WDFY3: variants seen among roughly 807,000 people sequenced by gnomAD.
WDFY3 encodes the protein WD repeat and FYVE domain containing 3.
WDFY3 carries 66 observed loss-of-function variants against 409.6 expected under a neutral mutation model. The ratio of observed to expected loss-of-function variants is 0.16; its 90% CI spans 0.13 to 0.20. The LOEUF (loss-of-function observed/expected upper bound fraction) is 0.20. WDFY3 is among the 10% of genes least tolerant of loss of function. The pLI, the probability that WDFY3 is intolerant of heterozygous loss-of-function variation, is 1.00. For synonymous variants in WDFY3, 1,521 were observed against 1,537.1 expected, an observed-to-expected ratio of 0.99 and a Z score of 0.25; for missense variants, 3,031 against 4,298.1, an observed-to-expected ratio of 0.71 and a Z score of 8.24.
chr4:84,726,783 G>T, intron 45 of WDFY3, 78 bp downstream of exon 45: 1 of 1,244,238 alleles, frequency 8.0e-7, no homozygotes, highest in Non-Finnish European at 1.1e-6. Flanking sequence ...AGTCTACCAT[G>T]CACTTAAAAA....
At chr4:84,679,728 A>C (rs1347518003) in intron 64 of WDFY3, among the ~76,000 whole-genome samples, 1 of 151,798 alleles carries the variant, frequency 6.6e-6, no homozygotes, top group African/African-American at 2.4e-5. Context: ...TTCAGCTCAA[A>C]GTATTCTCCC....
intron 6 of WDFY3, 42 bp from the exon 7 acceptor site, chr4:84,837,132 C>A: frequency 7.1e-7 from 1 of 1,401,522 alleles, no homozygotes; most frequent in Non-Finnish European, 9.4e-7. Context: ...ATAGACACAA[C>A]TATAATTGGT....
chr4:84,919,751 T>C (rs1385969955), intron 2 of WDFY3, among the ~76,000 whole-genome samples: 1 of 152,204 alleles, frequency 6.6e-6, no homozygotes, highest in Non-Finnish European at 1.5e-5. Flanking sequence ...GTAAGTTTCC[T>C]GAGGCCTCCC....
chr4:84,914,622 C>T (rs1768231432), intron 2 of WDFY3, among the ~76,000 whole-genome samples: 1 of 152,086 alleles, frequency 6.6e-6, no homozygotes, highest in South Asian at 2.1e-4. Context: ...AAATGCACAT[C>T]AAAACCACAA....
intron 2 of WDFY3, among the ~76,000 whole-genome samples, chr4:84,920,648 T>C (rs983054724): frequency 6.6e-6 from 1 of 152,168 alleles, no homozygotes; most frequent in Non-Finnish European, 1.5e-5. Flanking sequence ...TAACACATTA[T>C]TTTTCTCCCT....
rs2149898399 is a variant in WDFY3 at position 84,829,090 on chromosome 4, G to A, written c.870C>T (p.Leu290=). The A allele has an allele frequency of 6.2e-7, 1 of 1,613,860 alleles. No individual in the cohort carries two copies. Among genetic ancestry groups the A allele is most frequent in the African/African-American group, 1.3e-5 (1 of 75,046 alleles). ...VEMFAGLSCF[L]KDSSDVSQTL... is the part of the protein sequence containing the mutation. The stretch of plus-strand genomic sequence containing the variant: ...TTTGGGAAACATCGCTGGAATCTTT[G>A]AGGAAACAAGAAAGCCCAGCAAACA... Residue 290 remains leucine (L), a synonymous_variant, in exon 9 of 68, where the codon CTC becomes CTT. Coordinates refer to ENST00000295888, the MANE Select transcript of WDFY3 (RefSeq NM_014991.6).
At chr4:84,827,186 T>TA (rs549183648) in intron 9 of WDFY3, among the ~76,000 whole-genome samples, 125 of 143,014 alleles carry the variant, frequency 8.7e-4, no homozygotes, top group Middle Eastern at 3.5e-3. Context: ...AAATACCCTT[T>TA]AAAAAAAAAA....
intron 33 of WDFY3, among the ~76,000 whole-genome samples, 196 bp from the exon 34 acceptor site, chr4:84,755,596 A>G (rs1024919050): frequency 6.6e-6 from 1 of 152,196 alleles, no homozygotes; most frequent in Non-Finnish European, 1.5e-5. Context: ...AAAAAATTGA[A>G]TACTGTGTAT....
chr4:84,894,170 G>T (rs184273708), intron 3 of WDFY3, among the ~76,000 whole-genome samples: 1 of 152,088 alleles, frequency 6.6e-6, no homozygotes, highest in Non-Finnish European at 1.5e-5. Flanking sequence ...ATGCAATGAA[G>T]AGAGAATAAG....
Position 84,679,145 on chromosome 4 carries a change from G to A in WDFY3, c.9921C>T (p.Thr3307=). 1 of 1,613,968 alleles carries A rather than the reference G, an allele frequency of 6.2e-7. No homozygotes were observed. Among genetic ancestry groups the A allele is most frequent in the East Asian group, 2.2e-5 (1 of 44,872 alleles). ...PKDTPSQPSS[T]SHRPRAASCR... is the part of the protein sequence containing the mutation. ...AGGAGGCTGCCCGGGGCCTGTGGCT[G>A]GTGCTGCTGGGTTGGCTTGGAGTGT... Residue 3307 remains threonine, a synonymous_variant, in exon 65 of 68, where the codon ACC becomes ACT. Coordinates refer to ENST00000295888, the MANE Select transcript of WDFY3 (RefSeq NM_014991.6).
At chr4:84,874,008 T>C (rs745535134) in intron 3 of WDFY3, among the ~76,000 whole-genome samples, 1 of 151,772 alleles carries the variant, frequency 6.6e-6, no homozygotes, top group Non-Finnish European at 1.5e-5. Flanking sequence ...CTCGCACTCC[T>C]GGACTCAAGC....
intron 47 of WDFY3, 136 bp downstream of exon 47, chr4:84,721,273 C>T: frequency 8.4e-7 from 1 of 1,195,634 alleles, no homozygotes. Context: ...GAGTACTGAA[C>T]CCAAAAGGCT....
chr4:84,922,009 T>C (rs892362176), intron 2 of WDFY3, among the ~76,000 whole-genome samples: 4 of 151,912 alleles, frequency 2.6e-5, no homozygotes, highest in Non-Finnish European at 5.9e-5. Context: ...TATATAACTA[T>C]ACATTTATTG....
chr4:84,878,285 G>A (rs954414169), intron 3 of WDFY3, among the ~76,000 whole-genome samples: 1 of 152,154 alleles, frequency 6.6e-6, no homozygotes, highest in Admixed American at 6.5e-5. Flanking sequence ...ACATCCCAAA[G>A]AGGAAAACAG....
At chr4:84,839,306 T>C (rs772279010) in intron 6 of WDFY3, among the ~76,000 whole-genome samples, 4 of 152,068 alleles carry the variant, frequency 2.6e-5, no homozygotes, top group Non-Finnish European at 4.4e-5. Context: ...AAACCAAATT[T>C]TGGTATAGTA....
At chr4:84,805,882 C>G (rs1274438636) in intron 15 of WDFY3, among the ~76,000 whole-genome samples, 1 of 152,142 alleles carries the variant, frequency 6.6e-6, no homozygotes, top group Non-Finnish European at 1.5e-5. Flanking sequence ...AGCTATAATT[C>G]TGTTCTATTA....
At chr4:84,956,228 TACA>T (rs368287590) in intron 1 of WDFY3, among the ~76,000 whole-genome samples, 142 of 152,274 alleles carry the variant, frequency 9.3e-4, no homozygotes, top group Middle Eastern at 3.4e-3. Context: ...ACATACCAAT[TACA>T]ACATGTCAAA....
At chr4:84,866,136 A>G (rs983419424) in intron 3 of WDFY3, among the ~76,000 whole-genome samples, 1 of 152,140 alleles carries the variant, frequency 6.6e-6, no homozygotes, top group African/African-American at 2.4e-5. Flanking sequence ...GTACTTCTCA[A>G]TTACTCAGAT....
rs187042410 is a variant in WDFY3 at position 84,854,260 on chromosome 4, A to C, written c.181-4235T>G. On this transcript the variant is annotated intron_variant, in intron 4 of 67. Transcript: ENST00000295888. The stretch of plus-strand genomic sequence containing the variant: ...CAAAGTGAGATTGATTCTGGGGTGT[A>C]CAGGAATGAAAATGAGGCTGATAAA... 1.3e-3 allele frequency among the ~76,000 whole-genome samples: 195 copies of C among 152,254 alleles called. 2 individuals are homozygous for C. The highest frequency in any genetic ancestry group is 2.3e-3 in the Non-Finnish European group (154 of 68,016).
Sources: allele counts gnomAD v4.1 joint callset (sites outside exome capture counted in the v4.1 genomes callset), GRCh38; gene constraint gnomAD v4.1.1; transcripts MANE v1.5; gene names NCBI Gene and HGNC (gene_info 2026-07-23, HGNC 2026-07-21).